KCNQ1OT1: variants seen among roughly 807,000 people sequenced by gnomAD.
KCNQ1OT1 encodes the protein KCNQ1 opposite strand/antisense transcript 1.
At chr11:2,649,291 C>T in exon 1 of KCNQ1OT1, 1 of 398,338 alleles carries the variant, frequency 2.5e-6, no homozygotes. Context: ...TGTTTCCTCT[C>T]ATTGTTTTTC....
chr11:2,685,810 C>CGATTCCTACTAGAACGAT (rs1459169539), exon 1 of KCNQ1OT1: 1 of 398,598 alleles, frequency 2.5e-6, no homozygotes, highest in African/African-American at 2.1e-5. Flanking sequence ...CCTGAGAATG[C>CGATTCCTACTAGAACGAT]GATTCCTACT....
rs909985210 is a variant in KCNQ1OT1, at chr11:2,624,009, G to A, written n.75986C>T. 1 of 399,134 alleles carries A rather than the reference G, an allele frequency of 2.5e-6. No homozygotes were observed. Among genetic ancestry groups the A allele is most frequent in the Non-Finnish European group, 4.4e-6 (1 of 226,488 alleles). The allele number at this position is 399,134 out of a possible 1,614,324, so 24.7% of individuals were successfully genotyped here. The stretch of plus-strand genomic sequence containing the variant: ...CCCATTAATGGTATATGTCAAAGTG[G>A]CTGTACCATTTTGCATTCCCACCAG... On this transcript the variant is annotated non_coding_transcript_exon_variant, in exon 1 of 1. Transcript: ENST00000597346. The surrounding 1 kb of genome is among the most constrained non-coding windows in gnomAD (Gnocchi z 4.9).
rs1590022728 is a variant in KCNQ1OT1 at position 2,673,002 on chromosome 11, G to C, written n.26993C>G. 1 of 398,696 alleles carries C rather than the reference G, an allele frequency of 2.5e-6. No individual in the cohort carries two copies. Among genetic ancestry groups the C allele is most frequent in the East Asian group, 3.6e-5 (1 of 28,074 alleles). 24.7% of individuals were successfully genotyped at this position (398,696 alleles called of 1,614,324 possible). On this transcript the variant is annotated non_coding_transcript_exon_variant, in exon 1 of 1. Transcript: ENST00000597346. This position sits in a 1 kb window ranked among gnomAD's most constrained non-coding sequence, Gnocchi z 4.5. ...GGCCTTGCCTAAAGGAGAAGCCAGTGAATCAATGTGTTACTTGAACAAATA... is the reference window on the plus strand; with the variant it reads ...GGCCTTGCCTAAAGGAGAAGCCAGTCAATCAATGTGTTACTTGAACAAATA...
rs1849864961 is a variant in KCNQ1OT1, at chr11:2,657,164, C to T, written n.42831G>A. 2.5e-6 allele frequency: 1 copy of T among 398,492 alleles called. No individual in the cohort carries two copies. Among genetic ancestry groups the T allele is most frequent in the South Asian group, 1.3e-4 (1 of 7,860 alleles). The allele number at this position is 398,492 out of a possible 1,614,324, so 24.7% of individuals were successfully genotyped here. On this transcript the variant is annotated non_coding_transcript_exon_variant, in exon 1 of 1. Coordinates refer to ENST00000597346, the Ensembl canonical transcript of KCNQ1OT1. The surrounding 1 kb of genome is among the most constrained non-coding windows in gnomAD (Gnocchi z 4.8). ...CTGATGTTTGGTACAGCAAGTTCTC[C>T]CACCTTGTTCTTCTTCAAGAATATT...
chr11:2,698,021 A>G lies in KCNQ1OT1; in HGVS notation n.1974T>C. 1 of 398,662 alleles carries G rather than the reference A, an allele frequency of 2.5e-6. No individual in the cohort carries two copies. Among genetic ancestry groups the G allele is most frequent in the Non-Finnish European group, 4.4e-6 (1 of 226,072 alleles). The allele number at this position is 398,662 out of a possible 1,614,324, so 24.7% of individuals were successfully genotyped here. On this transcript the variant is annotated non_coding_transcript_exon_variant, in exon 1 of 1. Coordinates refer to ENST00000597346, the Ensembl canonical transcript of KCNQ1OT1. The surrounding 1 kb of genome is among the most constrained non-coding windows in gnomAD (Gnocchi z 5.1). ...GAGTATCTGGAAAACAGGTGCAGAA[A>G]TGGATCATTTGAGACACCATAGAAA...
In KCNQ1OT1 at chr11:2,623,266, T is replaced by C; in HGVS notation, n.76729A>G. 1.0e-5 allele frequency: 4 copies of C among 398,786 alleles called. 1 individual carries two copies. The South Asian group carries it at 5.1e-4, about 51-fold the overall frequency. 24.7% of individuals were successfully genotyped at this position (398,786 alleles called of 1,614,324 possible). On this transcript the variant is annotated non_coding_transcript_exon_variant, in exon 1 of 1. Coordinates refer to ENST00000597346, the Ensembl canonical transcript of KCNQ1OT1. The surrounding 1 kb of genome is among the most constrained non-coding windows in gnomAD (Gnocchi z 5.2). ...CAAAACTGTGAGTCAATTAAACCTC[T>C]TTTCTCACAAATTACCCAGTCTCAG... is the stretch of plus-strand genomic sequence containing the variant.
exon 1 of KCNQ1OT1, chr11:2,630,896 A>T (rs750558573): frequency 1.3e-5 from 5 of 398,440 alleles, no homozygotes; most frequent in Non-Finnish European, 1.8e-5. Flanking sequence ...AACTTTGAAT[A>T]TATAATCCTA....
exon 1 of KCNQ1OT1, chr11:2,675,210 C>T (rs1651151861): frequency 5.0e-6 from 2 of 398,576 alleles, no homozygotes; most frequent in South Asian, 1.3e-4. Flanking sequence ...TGTGTCATTT[C>T]CCCAGAATAG....
In KCNQ1OT1 at chr11:2,623,283, C is replaced by T; in HGVS notation, n.76712G>A. ...TAAACCTCTTTTCTCACAAATTACC[C>T]AGTCTCAGGTAGTTCTTTATAGCAC... is the stretch of plus-strand genomic sequence containing the variant. On this transcript the variant is annotated non_coding_transcript_exon_variant, in exon 1 of 1. Coordinates refer to ENST00000597346, the Ensembl canonical transcript of KCNQ1OT1. The surrounding 1 kb of genome is among the most constrained non-coding windows in gnomAD (Gnocchi z 5.2). 2.5e-6 allele frequency: 1 copy of T among 398,768 alleles called. No homozygotes were observed. Among genetic ancestry groups the T allele is most frequent in the Non-Finnish European group, 4.4e-6 (1 of 226,140 alleles). The allele number at this position is 398,768 out of a possible 1,614,324, so 24.7% of individuals were successfully genotyped here.
In KCNQ1OT1 at chr11:2,621,523, T is replaced by C; in HGVS notation, n.78472A>G. The C allele has an allele frequency of 2.5e-6, 1 of 398,612 alleles. No homozygotes were observed. Among genetic ancestry groups the C allele is most frequent in the South Asian group, 1.3e-4 (1 of 7,860 alleles). 24.7% of individuals were successfully genotyped at this position (398,612 alleles called of 1,614,324 possible). A position where few individuals can be genotyped will look rare whatever the true frequency, so the allele number is the denominator to read the frequency against. On this transcript the variant is annotated non_coding_transcript_exon_variant, in exon 1 of 1. Coordinates refer to ENST00000597346, the Ensembl canonical transcript of KCNQ1OT1. The surrounding 1 kb of genome is among the most constrained non-coding windows in gnomAD (Gnocchi z 5.7). ...GTCTGTTTACTCTGTTGATAATTTCTTTTGCTATGCAGAAGCTCTTTAGTT... is the reference window on the plus strand; with the variant it reads ...GTCTGTTTACTCTGTTGATAATTTCCTTTGCTATGCAGAAGCTCTTTAGTT...
rs1316731460 is a variant in KCNQ1OT1 at position 2,668,465 on chromosome 11, C to T, written n.31530G>A. 2.5e-5 allele frequency: 10 copies of T among 398,602 alleles called. No individual in the cohort carries two copies. The South Asian group carries it at 6.4e-4, about 25-fold the overall frequency. The allele number at this position is 398,602 out of a possible 1,614,324, so 24.7% of individuals were successfully genotyped here. ...CCACATCCTAACACTTGGCATTTTC[C>T]GTCGTTTCCTTTTCAGCCATGATGG... On this transcript the variant is annotated non_coding_transcript_exon_variant, in exon 1 of 1. Transcript: ENST00000597346. The surrounding 1 kb of genome is among the most constrained non-coding windows in gnomAD (Gnocchi z 4.3).
At position 2,663,164 on chromosome 11, in the gene KCNQ1OT1, C is replaced by G. The variant is rs536054581; in HGVS notation, n.36831G>C. Reference sequence around the variant, plus strand: ...CTGCCCACTGTCTTTCCAGGCCCCCCCAGTTCACAGAGAGGTTGGCAGTAC... The same window carrying G: ...CTGCCCACTGTCTTTCCAGGCCCCCGCAGTTCACAGAGAGGTTGGCAGTAC... On this transcript the variant is annotated non_coding_transcript_exon_variant, in exon 1 of 1. Transcript: ENST00000597346. This position sits in a 1 kb window ranked among gnomAD's most constrained non-coding sequence, Gnocchi z 5.2. The G allele has an allele frequency of 1.2e-3, 495 of 398,722 alleles. 3 individuals carry two copies. The highest frequency in any genetic ancestry group is 2.1e-3 in the Admixed American group (48 of 22,744). The allele number at this position is 398,722 out of a possible 1,614,324, so 24.7% of individuals were successfully genotyped here. A position where few individuals can be genotyped will look rare whatever the true frequency, so the allele number is the denominator to read the frequency against.
exon 1 of KCNQ1OT1, chr11:2,631,606 T>C: frequency 2.5e-6 from 1 of 398,642 alleles, no homozygotes; most frequent in East Asian, 3.6e-5. Flanking sequence ...TGAAAATTAT[T>C]GTATTTCTCA....
At position 2,664,152 on chromosome 11, in the gene KCNQ1OT1, G is replaced by C. The variant is rs1407993459; in HGVS notation, n.35843C>G. 5.0e-6 allele frequency: 2 copies of C among 398,592 alleles called. No homozygotes were observed. The highest frequency in any genetic ancestry group is 8.8e-6 in the Non-Finnish European group (2 of 226,166). The allele number at this position is 398,592 out of a possible 1,614,324, so 24.7% of individuals were successfully genotyped here. A position where few individuals can be genotyped will look rare whatever the true frequency, so the allele number is the denominator to read the frequency against. On this transcript the variant is annotated non_coding_transcript_exon_variant, in exon 1 of 1. Coordinates refer to ENST00000597346, the Ensembl canonical transcript of KCNQ1OT1. This position sits in a 1 kb window ranked among gnomAD's most constrained non-coding sequence, Gnocchi z 5.1. ...ACTTACCAAGGCCTCTCTCAGAGCA[G>C]GCTGTTCCAAAAGTGGCTGCTAGAT...
In KCNQ1OT1 at chr11:2,691,578, G is replaced by A. The variant is rs981588184; in HGVS notation, n.8417C>T. 9 of 398,444 alleles carry A rather than the reference G, an allele frequency of 2.3e-5. No individual in the cohort carries two copies. The highest frequency in any genetic ancestry group is 1.8e-4 in the Admixed American group (4 of 22,716). 24.7% of individuals were successfully genotyped at this position (398,444 alleles called of 1,614,324 possible). A position where few individuals can be genotyped will look rare whatever the true frequency, so the allele number is the denominator to read the frequency against. On this transcript the variant is annotated non_coding_transcript_exon_variant, in exon 1 of 1. Coordinates refer to ENST00000597346, the Ensembl canonical transcript of KCNQ1OT1. The surrounding 1 kb of genome is among the most constrained non-coding windows in gnomAD (Gnocchi z 6.4). ...GGTTATGAAATACCTCAGCAAGGAC[G>A]AGGCCTCCCTGAGGGAGTCAACCTA...
In KCNQ1OT1 at chr11:2,665,472, A is replaced by G. The variant is rs1351660155; in HGVS notation, n.34523T>C. The stretch of plus-strand genomic sequence containing the variant: ...GTCACTGGCACGACAGTGGGTGGGG[A>G]CGGTGCCATGCCTGTGTGCATCCCT... On this transcript the variant is annotated non_coding_transcript_exon_variant, in exon 1 of 1. Coordinates refer to ENST00000597346, the Ensembl canonical transcript of KCNQ1OT1. 15 of 396,158 alleles carry G rather than the reference A, an allele frequency of 3.8e-5. No homozygotes were observed. In the East Asian group the frequency reaches 5.4e-4, roughly 14 times the overall value. The allele number at this position is 396,158 out of a possible 1,614,324, so 24.5% of individuals were successfully genotyped here.
rs1453317743 is a variant in KCNQ1OT1, at chr11:2,611,959, T to C, written n.88036A>G. On this transcript the variant is annotated non_coding_transcript_exon_variant, in exon 1 of 1. Coordinates refer to ENST00000597346, the Ensembl canonical transcript of KCNQ1OT1. This position sits in a 1 kb window ranked among gnomAD's most constrained non-coding sequence, Gnocchi z 5.3. ...TTAATAATCTACTCAAATATTTTTG[T>C]CTGCCCTATTCTCTCCTTCTCAGTA... The C allele has an allele frequency of 5.0e-6, 2 of 398,558 alleles. No individual in the cohort carries two copies. The highest frequency in any genetic ancestry group is 8.8e-6 in the Non-Finnish European group (2 of 226,080). The allele number at this position is 398,558 out of a possible 1,614,324, so 24.7% of individuals were successfully genotyped here. A position where few individuals can be genotyped will look rare whatever the true frequency, so the allele number is the denominator to read the frequency against.
Position 2,671,158 on chromosome 11 carries a change from T to C in KCNQ1OT1, n.28837A>G. On this transcript the variant is annotated non_coding_transcript_exon_variant, in exon 1 of 1. Coordinates refer to ENST00000597346, the Ensembl canonical transcript of KCNQ1OT1. The surrounding 1 kb of genome is among the most constrained non-coding windows in gnomAD (Gnocchi z 4.7). The stretch of plus-strand genomic sequence containing the variant: ...CCCATGGGAGGCCTGAGGTGCCATC[T>C]TAGAAATAGGGCCTTGTTAGGAGAA... 2.5e-6 allele frequency: 1 copy of C among 398,602 alleles called. No individual in the cohort carries two copies. Among genetic ancestry groups the C allele is most frequent in the Non-Finnish European group, 4.4e-6 (1 of 226,072 alleles). 24.7% of individuals were successfully genotyped at this position (398,602 alleles called of 1,614,324 possible).
exon 1 of KCNQ1OT1, chr11:2,662,199 C>A: frequency 7.2e-7 from 1 of 1,391,330 alleles, no homozygotes; most frequent in Non-Finnish European, 1.0e-6. Flanking sequence ...CGCCTAGTGC[C>A]CACCACTTGC....
Sources: allele counts gnomAD v4.1 joint callset, GRCh38; gene constraint gnomAD v4.1.1; non-coding constraint Gnocchi (gnomAD v3.1); transcripts MANE v1.5; gene names NCBI Gene and HGNC (gene_info 2026-07-23, HGNC 2026-07-21).